ATF2: variants seen among roughly 807,000 people sequenced by gnomAD.
ATF2 encodes the protein activating transcription factor 2.
Under a neutral mutation model 60.6 loss-of-function variants are expected in ATF2, and 24 were observed. The observed-to-expected ratio is 0.40, with a 90% CI of 0.29 to 0.56. ATF2 has a LOEUF of 0.56. Among genes scored for constraint, ATF2 ranks in the 20% least tolerant of loss-of-function variants. ATF2 has a pLI of 0.54. For synonymous variants in ATF2, 206 were observed against 215.4 expected, an observed-to-expected ratio of 0.96 and a Z score of 0.38; for missense variants, 433 against 607.7, an observed-to-expected ratio of 0.71 and a Z score of 3.02.
At chr2:175,098,390 G>A (rs936096523) in intron 10 of ATF2, among the ~76,000 whole-genome samples, 3 of 152,190 alleles carry the variant, frequency 2.0e-5, no homozygotes, top group Non-Finnish European at 4.4e-5. Context: ...TGCTGATACT[G>A]TTCTTAATAA....
chr2:175,121,015 T>C (rs966010938), intron 5 of ATF2, among the ~76,000 whole-genome samples: 1 of 151,666 alleles, frequency 6.6e-6, no homozygotes, highest in African/African-American at 2.4e-5. Flanking sequence ...AAAAGAAATA[T>C]AAACAACTCT....
intron 2 of ATF2, among the ~76,000 whole-genome samples, chr2:175,145,975 G>A (rs529232515): frequency 1.3e-4 from 20 of 151,928 alleles, no homozygotes; most frequent in Non-Finnish European, 1.9e-4. Context: ...TAATTACTAA[G>A]GGCAAAAGTA....
Position 175,074,781 on chromosome 2 carries a change from G to A in ATF2, c.1346C>T (p.Thr449Ile), listed in dbSNP as rs1243071196. 6.2e-7 allele frequency: 1 copy of A among 1,613,460 alleles called. No homozygotes were observed. The highest frequency in any genetic ancestry group is 8.5e-7 in the Non-Finnish European group (1 of 1,179,692). Reference protein sequence around the residue: ...EDISVPSSPHTEAIQHSSVST... With the variant: ...EDISVPSSPHIEAIQHSSVST... Reference sequence around the variant, plus strand: ...GACCGAACTATGCTGTATAGCTTCTGTATGTGGACTACTCGGCACTGAAAT... The same window carrying A: ...GACCGAACTATGCTGTATAGCTTCTATATGTGGACTACTCGGCACTGAAAT... Residue 449 changes from threonine (T) to isoleucine (I), a missense_variant, in exon 14 of 14, where the codon ACA (threonine) becomes ATA (isoleucine). By Grantham distance (89) the Thr-to-Ile change is moderately conservative (BLOSUM62 -1). This residue lies in a region of ATF2 where 114 missense variants were observed against 104.0 expected (regional missense o/e 1.10). Transcript: ENST00000264110.
intron 10 of ATF2, among the ~76,000 whole-genome samples, chr2:175,100,062 T>C (rs1049094749): frequency 6.6e-6 from 1 of 152,258 alleles, no homozygotes; most frequent in African/African-American, 2.4e-5. Flanking sequence ...AATATCCTAG[T>C]GCTTTCACTG....
chr2:175,089,444 T>C (rs578121561), intron 12 of ATF2, among the ~76,000 whole-genome samples: 1 of 152,322 alleles, frequency 6.6e-6, no homozygotes, highest in African/African-American at 2.4e-5. Flanking sequence ...CTATGGGTCA[T>C]TACAGCCCAC....
chr2:175,103,431 T>C (rs1024003145), intron 10 of ATF2, among the ~76,000 whole-genome samples: 10 of 151,986 alleles, frequency 6.6e-5, no homozygotes, highest in Non-Finnish European at 5.9e-5. Context: ...GAAAATCAAG[T>C]AGGTTGAGAG....
chr2:175,077,791 T>C (rs890780763), intron 13 of ATF2, among the ~76,000 whole-genome samples: 1 of 152,160 alleles, frequency 6.6e-6, no homozygotes, highest in Non-Finnish European at 1.5e-5. Context: ...CAATGTGATA[T>C]ATTTGCACCT....
chr2:175,101,324 AC>A (rs1695296486), intron 10 of ATF2, among the ~76,000 whole-genome samples: 1 of 152,198 alleles, frequency 6.6e-6, no homozygotes, highest in African/African-American at 2.4e-5. Context: ...GTGGGTCAGA[AC>A]AAAGGGAGAG....
intron 12 of ATF2, among the ~76,000 whole-genome samples, chr2:175,081,158 G>GA (rs1294549869): frequency 1.3e-5 from 2 of 151,888 alleles, no homozygotes; most frequent in African/African-American, 2.4e-5. Context: ...ACCTAAAAAT[G>GA]AAAAAAATCA....
chr2:175,082,100 A>C (rs76303189), intron 12 of ATF2, among the ~76,000 whole-genome samples: 5,204 of 152,190 alleles, frequency 0.034, 296 homozygotes, highest in African/African-American at 0.12. Context: ...GGGCCTCCTT[A>C]AGTGATAAGT....
rs1695598946 is a variant in ATF2 at position 175,105,576 on chromosome 2, T to C, written c.828+5992A>G. ...AATAGCTGTTAAATGATGTTGTTAA[T>C]ATAAAAAGAATATTGAAGTGTGAAA... On this transcript the variant is annotated intron_variant, in intron 10 of 13. Transcript: ENST00000264110. Among the ~76,000 whole-genome samples the C allele has an allele frequency of 2.0e-5, 3 of 152,266 alleles. No individual in the cohort carries two copies. The South Asian group carries it at 6.2e-4, about 32-fold the overall frequency.
chr2:175,074,633 G>C lies in ATF2; in HGVS notation c.1494C>G (p.Ser498=). 6.2e-7 allele frequency: 1 copy of C among 1,612,856 alleles called. No homozygotes were observed. Residue 498 remains serine, a synonymous_variant, in exon 14 of 14, where the codon TCC becomes TCG. Coordinates refer to ENST00000264110, the MANE Select transcript of ATF2 (RefSeq NM_001880.4). ...ATCAACTTCCTGAGGGCTGTGACTGGGAGGAAGGAGCCATAACGATCTGTG... is the reference window on the plus strand; with the variant it reads ...ATCAACTTCCTGAGGGCTGTGACTGCGAGGAAGGAGCCATAACGATCTGTG... ...ALSQIVMAPS[S]QSQPSGS
At chr2:175,139,606 G>A (rs58148854) in intron 2 of ATF2, among the ~76,000 whole-genome samples, 151 of 150,724 alleles carry the variant, frequency 1.0e-3, no homozygotes, top group African/African-American at 3.5e-3. Context: ...CCGGGAGGCC[G>A]AGGTTGCAGT....
chr2:175,147,422 C>G (rs1016624544), intron 2 of ATF2, among the ~76,000 whole-genome samples: 1 of 152,122 alleles, frequency 6.6e-6, no homozygotes, highest in African/African-American at 2.4e-5. Context: ...TATCCGGATT[C>G]TAAAATATGA....
chr2:175,105,002 G>T (rs1290041079), intron 10 of ATF2, among the ~76,000 whole-genome samples: 1 of 152,080 alleles, frequency 6.6e-6, no homozygotes, highest in Non-Finnish European at 1.5e-5. Context: ...AATAATTAAT[G>T]AATATTTAAG....
At chr2:175,135,374 G>GA (rs1698066648) in intron 3 of ATF2, among the ~76,000 whole-genome samples, 1 of 152,094 alleles carries the variant, frequency 6.6e-6, no homozygotes. Context: ...CAACTACAAG[G>GA]AAATTCAGGA....
intron 10 of ATF2, among the ~76,000 whole-genome samples, chr2:175,107,929 C>T (rs927998532): frequency 3.3e-5 from 5 of 152,176 alleles, no homozygotes; most frequent in African/African-American, 4.8e-5. Flanking sequence ...ACCTCCACCT[C>T]CCAGCCGCCT....
intron 10 of ATF2, among the ~76,000 whole-genome samples, chr2:175,099,189 C>T (rs1695147153): frequency 6.7e-6 from 1 of 149,174 alleles, no homozygotes; most frequent in Non-Finnish European, 1.5e-5. Flanking sequence ...CTGCAACCTT[C>T]ACCTTCACGG....
At chr2:175,097,726 T>G in intron 10 of ATF2, 133 bp from the exon 11 acceptor site, 1 of 919,084 alleles carries the variant, frequency 1.1e-6, no homozygotes, top group East Asian at 2.8e-5. Flanking sequence ...GATTCTGTAT[T>G]TTGCTGTTCC....
Sources: allele counts gnomAD v4.1 joint callset (sites outside exome capture counted in the v4.1 genomes callset), GRCh38; gene constraint gnomAD v4.1.1; regional missense constraint gnomAD v4.1.1; transcripts MANE v1.5; gene names NCBI Gene and HGNC (gene_info 2026-07-23, HGNC 2026-07-21).